PIWIL2: variants seen among roughly 807,000 people sequenced by gnomAD.
PIWIL2 encodes piwi like RNA-mediated gene silencing 2, also known as piwi-like protein 2.
PIWIL2 carries 81 observed loss-of-function variants against 116.5 expected under a neutral mutation model. The observed-to-expected ratio is 0.70, with a 90% confidence interval of 0.58 to 0.84. The LOEUF is 0.84. Among genes scored for constraint, PIWIL2 ranks in the 40% least tolerant of loss-of-function variants. PIWIL2 has a pLI of 0.00. For synonymous variants in PIWIL2, 489 were observed against 429.5 expected (o/e 1.14, Z -1.71); for missense variants, 1,272 against 1,212.3 (o/e 1.05, Z -0.73).
chr8:22,328,862 A>T, intron 20 of PIWIL2, among the ~76,000 whole-genome samples: 1 of 146,354 alleles, frequency 6.8e-6, no homozygotes. Context: ...TTCTAGATAC[A>T]GAATAATGTC....
intron 16 of PIWIL2, among the ~76,000 whole-genome samples, chr8:22,313,968 AG>A (rs1831393698): frequency 6.6e-6 from 1 of 152,214 alleles, no homozygotes; most frequent in African/African-American, 2.4e-5. Flanking sequence ...CAAAGAGAGT[AG>A]TAAAAAACAT....
intron 20 of PIWIL2, chr8:22,322,068 A>G: frequency 1.3e-6 from 1 of 789,986 alleles, no homozygotes; most frequent in Non-Finnish European, 1.5e-6. Context: ...AAAAGTTGCA[A>G]AATAGGTTAG....
At position 22,279,636 on chromosome 8, in the gene PIWIL2, G is replaced by A. The variant is rs541380335; in HGVS notation, c.198+52G>A. 6.3e-5 allele frequency: 94 copies of A among 1,498,688 alleles called. No homozygotes were observed. The East Asian group carries it at 1.3e-3, about 21-fold the overall frequency. 92.8% of individuals were successfully genotyped at this position (1,498,688 alleles called of 1,614,324 possible). A position where few individuals can be genotyped will look rare whatever the true frequency, so the allele number is the denominator to read the frequency against. On this transcript the variant is annotated intron_variant, in intron 2 of 22. Coordinates refer to ENST00000356766, the MANE Select transcript of PIWIL2 (RefSeq NM_018068.5). ...GTGGCATACAGCTTACCTGTGTGCC[G>A]TCAGAGGAAGTAATGGATTTCAAAG...
intron 20 of PIWIL2, among the ~76,000 whole-genome samples, chr8:22,319,866 G>C (rs1469910254): frequency 6.6e-6 from 1 of 152,208 alleles, no homozygotes; most frequent in Non-Finnish European, 1.5e-5. Flanking sequence ...GAGTCACAAA[G>C]TCCCACCCAG....
At chr8:22,336,797 C>T (rs535817810) in intron 20 of PIWIL2, among the ~76,000 whole-genome samples, 135 of 152,020 alleles carry the variant, frequency 8.9e-4, no homozygotes, top group Non-Finnish European at 1.5e-3. Flanking sequence ...ACTAGAAAAA[C>T]AATAGAATCA....
rs1367468334 is a variant in PIWIL2 at position 22,339,179 on chromosome 8, T to A, written c.2404-13780T>A. Reference sequence around the variant, plus strand: ...CTTTACACAGTATACAAAAAGTAACTCCAAATGGATCAAAGACCTAAATGT... The same window carrying A: ...CTTTACACAGTATACAAAAAGTAACACCAAATGGATCAAAGACCTAAATGT... On this transcript the variant is annotated intron_variant, in intron 20 of 22. Coordinates refer to ENST00000356766, the MANE Select transcript of PIWIL2 (RefSeq NM_018068.5). 5.3e-5 allele frequency among the ~76,000 whole-genome samples: 8 copies of A among 152,048 alleles called. No homozygotes were observed. In the East Asian group the frequency reaches 1.5e-3, roughly 29 times the overall value.
chr8:22,296,374 G>A (rs1830908000), intron 10 of PIWIL2, among the ~76,000 whole-genome samples: 1 of 152,046 alleles, frequency 6.6e-6, no homozygotes, highest in South Asian at 2.1e-4. Flanking sequence ...GGAATCTCCT[G>A]TATGTCAGAT....
Position 22,283,141 on chromosome 8 carries a change from C to T in PIWIL2, c.533C>T (p.Ser178Phe). The T allele has an allele frequency of 1.9e-6, 3 of 1,614,166 alleles. No homozygotes were observed. The highest frequency in any genetic ancestry group is 1.6e-4 in the Middle Eastern group (1 of 6,062). The change falls in exon 5 of 23, where the codon TCC (serine) becomes TTC (phenylalanine). Residue 178 changes from serine to phenylalanine, a missense_variant. Transcript: ENST00000356766. ...CCTCCCTGTACCTTCAGCACACCGT[C>T]CCGGGGTCCCCCGCAGCTGTCATCA... Reference protein sequence around the residue: ...DKPPCTFSTPSRGPPQLSSPP... With the variant: ...DKPPCTFSTPFRGPPQLSSPP...
chr8:22,309,492 C>T (rs1831273532), intron 14 of PIWIL2, among the ~76,000 whole-genome samples: 1 of 151,936 alleles, frequency 6.6e-6, no homozygotes, highest in South Asian at 2.1e-4. Flanking sequence ...GCATGCGCCA[C>T]CACACCCAGC....
chr8:22,275,875 A>G (rs1035215325), intron 1 of PIWIL2: 1 of 152,320 alleles, frequency 6.6e-6, no homozygotes, highest in Admixed American at 6.5e-5. Flanking sequence ...ACAGCCAAGT[A>G]TCTGCTACCT....
chr8:22,304,119 A>G lies in PIWIL2; in HGVS notation c.1280A>G (p.Tyr427Cys), dbSNP rs894277154. The G allele has an allele frequency of 1.9e-6, 3 of 1,611,900 alleles. No homozygotes were observed. Among genetic ancestry groups the G allele is most frequent in the Non-Finnish European group, 2.5e-6 (3 of 1,177,960 alleles). The change falls in exon 11 of 23, where the codon TAT becomes TGT. Residue 427 changes from tyrosine to cysteine, a missense_variant. By Grantham distance (194) the Tyr-to-Cys change is radical. Transcript: ENST00000356766. ...IVITRYNNRTYRIDDVDWNKT... is the reference protein window; with the variant it reads ...IVITRYNNRTCRIDDVDWNKT... ...ATCACCCGATATAACAATCGTACCTATCGTATTGATGATGTGGATTGGAAT... is the reference window on the plus strand; with the variant it reads ...ATCACCCGATATAACAATCGTACCTGTCGTATTGATGATGTGGATTGGAAT...
At position 22,355,365 on chromosome 8, in the gene PIWIL2, T is replaced by C; in HGVS notation, c.2782T>C (p.Cys928Arg). ...DHMQRLTFKL[C>R]HMYWNWPGTI... ...GGCCTACAGGCTGACTTTCAAACTG[T>C]GCCACATGTACTGGAATTGGCCTGG... Residue 928 changes from cysteine to arginine, a missense_variant, in exon 23 of 23, where the codon TGC (cysteine) becomes CGC (arginine). Coordinates refer to ENST00000356766, the MANE Select transcript of PIWIL2 (RefSeq NM_018068.5). 2 of 1,614,236 alleles carry C rather than the reference T, an allele frequency of 1.2e-6. No individual in the cohort carries two copies. Among genetic ancestry groups the C allele is most frequent in the Non-Finnish European group, 1.7e-6 (2 of 1,180,032 alleles).
rs1371847040 is a variant in PIWIL2, at chr8:22,275,388, C to G, written c.-57C>G. 4.6e-5 allele frequency: 7 copies of G among 152,574 alleles called. No homozygotes were observed. The highest frequency in any genetic ancestry group is 1.7e-4 in the African/African-American group (7 of 41,468). 9.5% of individuals were successfully genotyped at this position (152,574 alleles called of 1,614,324 possible). On this transcript the variant is annotated 5_prime_UTR_variant, in exon 1 of 23. Transcript: ENST00000356766. ...CGGAGCTGGGCGACTGGGGCGAGGA[C>G]TCGCGCACAGGTGAGTACTGGCCCC...
intron 21 of PIWIL2, 21 bp downstream of exon 21, chr8:22,353,233 G>C: frequency 3.1e-6 from 5 of 1,591,924 alleles, no homozygotes; most frequent in South Asian, 2.2e-5. Context: ...AAAATATGTA[G>C]TATTGGAGGA....
intron 10 of PIWIL2, among the ~76,000 whole-genome samples, chr8:22,294,297 C>T (rs1188269007): frequency 7.0e-6 from 1 of 142,092 alleles, no homozygotes; most frequent in African/African-American, 2.6e-5. Context: ...AAGATCATGC[C>T]ATTACACTCC....
chr8:22,296,442 A>G (rs1269519558), intron 10 of PIWIL2, among the ~76,000 whole-genome samples: 2 of 152,204 alleles, frequency 1.3e-5, no homozygotes, highest in African/African-American at 4.8e-5. Context: ...TATATACTCC[A>G]GTATTTTCCA....
intron 9 of PIWIL2, 131 bp from the exon 10 acceptor site, chr8:22,290,102 A>T: frequency 1.4e-6 from 1 of 708,084 alleles, no homozygotes; most frequent in Non-Finnish European, 2.4e-6. Flanking sequence ...ATGTCAATTA[A>T]CTTAGTTTCT....
intron 20 of PIWIL2, among the ~76,000 whole-genome samples, chr8:22,329,920 A>T (rs921849151): frequency 9.9e-5 from 15 of 152,170 alleles, no homozygotes; most frequent in South Asian, 2.1e-4. Flanking sequence ...GTTGCAGGTC[A>T]GCTTTGAGTT....
chr8:22,306,640 C>G (rs1381722990), intron 13 of PIWIL2, among the ~76,000 whole-genome samples: 1 of 152,246 alleles, frequency 6.6e-6, no homozygotes, highest in African/African-American at 2.4e-5. Flanking sequence ...TGCTGCCTCA[C>G]TTTCCAGTCC....
Sources: gnomAD v4.1 joint callset for allele counts (sites outside exome capture counted in the v4.1 genomes callset) on GRCh38, gnomAD v4.1.1 for gene constraint, MANE v1.5 for transcripts, NCBI Gene and HGNC (gene_info 2026-07-23, HGNC 2026-07-21) for gene names.